The following IQCJ variants were observed in gnomAD, a reference collection of about 807,000 sequenced individuals.
IQCJ encodes IQ domain-containing protein J.
IQCJ carries 9 observed loss-of-function variants against 11.0 expected under a neutral mutation model. The ratio of observed to expected loss-of-function variants is 0.82; its 90% CI spans 0.49 to 1.43. The LOEUF (loss-of-function observed/expected upper bound fraction) is 1.43. Ranked by LOEUF, IQCJ falls within the 40% of genes most tolerant of loss-of-function variation. The pLI is 0.00. For missense variants in IQCJ, 146 were observed against 133.2 expected (o/e 1.10, Z -0.47); for synonymous variants, 55 against 51.3 (o/e 1.07, Z -0.31).
At position 159,209,017 on chromosome 3, in the gene IQCJ, G is replaced by A. The variant is rs560621220; in HGVS notation, c.10-36826G>A. On this transcript the variant is annotated intron_variant, in intron 1 of 3. Coordinates refer to ENST00000397832, the MANE Select transcript of IQCJ (RefSeq NM_001042706.3). ...GAAGAGGGCAGAGTCCCTGGCAAGG[G>A]TTTCACTCACAAGCCTGAACCCACG... Among the ~76,000 whole-genome samples the A allele has an allele frequency of 6.6e-5, 10 of 152,268 alleles. No homozygotes were observed. In the South Asian group the frequency reaches 2.1e-3, roughly 32 times the overall value.
At chr3:159,183,462 G>T (rs574847705) in intron 1 of IQCJ, among the ~76,000 whole-genome samples, 1 of 151,842 alleles carries the variant, frequency 6.6e-6, no homozygotes, top group South Asian at 2.1e-4. Flanking sequence ...CTTATTTCAG[G>T]CCCAAATTTT....
At chr3:159,251,761 G>T (rs754543061) in intron 2 of IQCJ, among the ~76,000 whole-genome samples, 35 of 152,066 alleles carry the variant, frequency 2.3e-4, no homozygotes, top group Non-Finnish European at 3.8e-4. Flanking sequence ...GTGCCTTCTG[G>T]TGGAGAGAGC....
intron 1 of IQCJ, among the ~76,000 whole-genome samples, chr3:159,103,258 T>C (rs1718043784): frequency 6.6e-6 from 1 of 152,236 alleles, no homozygotes; most frequent in African/African-American, 2.4e-5. Flanking sequence ...TATTTGTATA[T>C]TTGCAGGAAA....
intron 1 of IQCJ, among the ~76,000 whole-genome samples, chr3:159,159,210 C>G (rs573545478): frequency 6.6e-6 from 1 of 152,250 alleles, no homozygotes; most frequent in East Asian, 1.9e-4. Context: ...TTATCTGGTA[C>G]CTGGCTATGG....
chr3:159,201,967 A>G (rs1724373677), intron 1 of IQCJ, among the ~76,000 whole-genome samples: 1 of 152,184 alleles, frequency 6.6e-6, no homozygotes, highest in African/African-American at 2.4e-5. Context: ...CGTGGAGCAC[A>G]AAATATACTA....
chr3:159,245,110 CGT>C (rs989905762), intron 1 of IQCJ, among the ~76,000 whole-genome samples: 1 of 151,680 alleles, frequency 6.6e-6, no homozygotes, highest in African/African-American at 2.4e-5. Flanking sequence ...ATTGAGGGAT[CGT>C]GTGTGTGTGT....
At chr3:159,252,064 C>T (rs1184225528) in intron 2 of IQCJ, among the ~76,000 whole-genome samples, 1 of 151,992 alleles carries the variant, frequency 6.6e-6, no homozygotes, top group Non-Finnish European at 1.5e-5. Context: ...TGAATGTTTT[C>T]ACCTCTATTT....
chr3:159,128,146 A>G (rs904531925), intron 1 of IQCJ, among the ~76,000 whole-genome samples: 5 of 152,214 alleles, frequency 3.3e-5, no homozygotes, highest in African/African-American at 9.7e-5. Flanking sequence ...CCACAGTCTA[A>G]CAAGATGCTT....
Position 159,202,655 on chromosome 3 carries a change from A to G in IQCJ, c.10-43188A>G, listed in dbSNP as rs183448458. ...TATAGTGGCAAGCTAAGCAATTTTT[A>G]TTTTCTTTTTTATGTATATATTTTT... is the stretch of plus-strand genomic sequence containing the variant. On this transcript the variant is annotated intron_variant, in intron 1 of 3. Coordinates refer to ENST00000397832, the MANE Select transcript of IQCJ (RefSeq NM_001042706.3). 4.2e-4 allele frequency among the ~76,000 whole-genome samples: 63 copies of G among 151,796 alleles called. 1 individual carries two copies. Among genetic ancestry groups the G allele is most frequent in the Middle Eastern group, 6.8e-3 (2 of 294 alleles).
chr3:159,106,641 A>G (rs1398277842), intron 1 of IQCJ, among the ~76,000 whole-genome samples: 2 of 152,174 alleles, frequency 1.3e-5, no homozygotes, highest in Admixed American at 1.3e-4. Context: ...TTCTCCAGAC[A>G]CTAACTAGGT....
chr3:159,082,543 A>T (rs531099764), intron 1 of IQCJ, among the ~76,000 whole-genome samples: 1 of 152,188 alleles, frequency 6.6e-6, no homozygotes, highest in East Asian at 1.9e-4. Flanking sequence ...AGGAAAAAAA[A>T]AATGGCTTTG....
rs1303630920 is a variant in IQCJ at position 159,089,420 on chromosome 3, G to T, written c.9+19979G>T. The stretch of plus-strand genomic sequence containing the variant: ...GTCTTGGAGTTGCTCTTCTCGAGGA[G>T]TATCTTTGTGGTGTTCTCTGTATTT... On this transcript the variant is annotated intron_variant, in intron 1 of 3. Coordinates refer to ENST00000397832, the MANE Select transcript of IQCJ (RefSeq NM_001042706.3). 2.6e-5 allele frequency among the ~76,000 whole-genome samples: 4 copies of T among 151,970 alleles called. No homozygotes were observed. In the East Asian group the frequency reaches 5.8e-4, roughly 22 times the overall value.
chr3:159,235,149 A>G (rs1289677471), intron 1 of IQCJ, among the ~76,000 whole-genome samples: 1 of 152,208 alleles, frequency 6.6e-6, no homozygotes, highest in Non-Finnish European at 1.5e-5. Flanking sequence ...GGTCTCTAGG[A>G]TAATTTTCTC....
intron 1 of IQCJ, among the ~76,000 whole-genome samples, chr3:159,070,633 T>C (rs1372847535): frequency 1.3e-5 from 2 of 152,112 alleles, no homozygotes; most frequent in Non-Finnish European, 2.9e-5. Context: ...ATTATGCTCT[T>C]TTTGAGATCA....
At chr3:159,204,030 C>A (rs1418234265) in intron 1 of IQCJ, among the ~76,000 whole-genome samples, 1 of 152,092 alleles carries the variant, frequency 6.6e-6, no homozygotes, top group Non-Finnish European at 1.5e-5. Flanking sequence ...GAACCAGGCC[C>A]CAGTAGGCAT....
chr3:159,181,095 C>T (rs980498217), intron 1 of IQCJ, among the ~76,000 whole-genome samples: 5 of 151,872 alleles, frequency 3.3e-5, no homozygotes, highest in African/African-American at 1.2e-4. Context: ...CCACTAAGAT[C>T]TGCATCATCC....
rs896110213 is a variant in IQCJ, at chr3:159,179,809, G to T, written c.10-66034G>T. Among the ~76,000 whole-genome samples the T allele has an allele frequency of 6.6e-5, 10 of 152,256 alleles. No homozygotes were observed. The South Asian group carries it at 1.5e-3, about 22-fold the overall frequency. ...TTGAATGAGAGACTGAGACTTAGAG[G>T]TTAAATAACATTCAGTCAAAAAGTG... On this transcript the variant is annotated intron_variant, in intron 1 of 3. Transcript: ENST00000397832.
intron 1 of IQCJ, among the ~76,000 whole-genome samples, chr3:159,226,623 A>T (rs978744551): frequency 1.3e-5 from 2 of 152,172 alleles, no homozygotes; most frequent in Non-Finnish European, 2.9e-5. Context: ...TGCGAATCTT[A>T]CTTTTAAATA....
chr3:159,202,015 G>A (rs1198005505), intron 1 of IQCJ, among the ~76,000 whole-genome samples: 1 of 152,078 alleles, frequency 6.6e-6, no homozygotes, highest in African/African-American at 2.4e-5. Flanking sequence ...TTCTATGCTG[G>A]TTTCCTCTAA....
Sources: allele counts gnomAD v4.1 joint callset (sites outside exome capture counted in the v4.1 genomes callset), GRCh38; gene constraint gnomAD v4.1.1; transcripts MANE v1.5; gene names NCBI Gene and HGNC (gene_info 2026-07-23, HGNC 2026-07-21).